STAC: variants seen among roughly 807,000 people sequenced by gnomAD.
STAC encodes the protein SH3 and cysteine rich domain, also known as SH3 and cysteine-rich domain-containing protein.
Under a neutral mutation model 48.8 loss-of-function variants are expected in STAC, and 43 were observed. The ratio of observed to expected loss-of-function variants is 0.88; its 90% CI spans 0.69 to 1.14. The LOEUF is 1.14. Ranked by LOEUF, STAC falls within the 50% of genes most tolerant of loss-of-function variation. STAC has a pLI of 0.00. For synonymous variants in STAC, 193 were observed against 179.5 expected, an observed-to-expected ratio of 1.07 and a Z score of -0.60; for missense variants, 497 against 504.0, an observed-to-expected ratio of 0.99 and a Z score of 0.13.
At chr3:36,385,308 G>C (rs963477113) in intron 1 of STAC, among the ~76,000 whole-genome samples, 1 of 151,722 alleles carries the variant, frequency 6.6e-6, no homozygotes, top group Non-Finnish European at 1.5e-5. Context: ...TCATATTTAG[G>C]TTCTTTCCCA....
chr3:36,471,150 C>G (rs1405735398), intron 2 of STAC, among the ~76,000 whole-genome samples: 2 of 152,042 alleles, frequency 1.3e-5, no homozygotes, highest in Non-Finnish European at 2.9e-5. Context: ...TGGCAGGAGG[C>G]AAAAGGCACT....
chr3:36,446,004 C>A (rs1438489558), intron 2 of STAC, among the ~76,000 whole-genome samples: 1 of 152,154 alleles, frequency 6.6e-6, no homozygotes, highest in Non-Finnish European at 1.5e-5. Context: ...CCATAAGATC[C>A]CTGATCAATA....
chr3:36,454,508 T>C (rs1696794662), intron 2 of STAC, among the ~76,000 whole-genome samples: 1 of 152,186 alleles, frequency 6.6e-6, no homozygotes, highest in Non-Finnish European at 1.5e-5. Flanking sequence ...CGAGGCTTCA[T>C]TCTTGAAGTC....
At chr3:36,492,031 AATATATATATATAT>A (rs11267408) in intron 5 of STAC, among the ~76,000 whole-genome samples, 53 of 16,432 alleles carry the variant, frequency 3.2e-3, no homozygotes, top group Admixed American at 5.5e-3. Context: ...AAAAAAAAAA[AATATATATATATAT>A]ATATATATAT....
At chr3:36,473,185 A>G (rs1559504839) in intron 2 of STAC, among the ~76,000 whole-genome samples, 1 of 152,156 alleles carries the variant, frequency 6.6e-6, no homozygotes, top group Non-Finnish European at 1.5e-5. Context: ...CACTATCACA[A>G]GAATAGCACA....
chr3:36,477,006 C>A (rs1199647048), intron 2 of STAC, among the ~76,000 whole-genome samples: 1 of 152,074 alleles, frequency 6.6e-6, no homozygotes. Context: ...GACTATCTTG[C>A]CTGTATTTAC....
At chr3:36,455,760 G>GGTGTGTGTGTGT (rs71085125) in intron 2 of STAC, among the ~76,000 whole-genome samples, 26 of 149,260 alleles carry the variant, frequency 1.7e-4, no homozygotes, top group African/African-American at 5.4e-4. Flanking sequence ...GAAACAGGCA[G>GGTGTGTGTGTGT]GTGTGTGTGT....
At chr3:36,395,988 T>C (rs994318702) in intron 1 of STAC, among the ~76,000 whole-genome samples, 1 of 152,114 alleles carries the variant, frequency 6.6e-6, no homozygotes, top group Non-Finnish European at 1.5e-5. Flanking sequence ...TAGAATAATT[T>C]ACTTCAGTCC....
intron 2 of STAC, among the ~76,000 whole-genome samples, chr3:36,474,829 A>G (rs542662360): frequency 2.6e-4 from 40 of 152,348 alleles, no homozygotes; most frequent in Non-Finnish European, 5.0e-4. Flanking sequence ...TTTTATTAAT[A>G]AAGCGAGGAA....
At chr3:36,491,716 T>A (rs1305140125) in intron 5 of STAC, among the ~76,000 whole-genome samples, 4 of 151,854 alleles carry the variant, frequency 2.6e-5, no homozygotes, top group South Asian at 2.1e-4. Context: ...AATAATTTTT[T>A]AAAATATGAC....
chr3:36,471,323 T>C (rs900218144), intron 2 of STAC, among the ~76,000 whole-genome samples: 3 of 152,154 alleles, frequency 2.0e-5, no homozygotes, highest in Non-Finnish European at 2.9e-5. Context: ...CCACAACACA[T>C]GGGAATTCTG....
chr3:36,520,764 C>T (rs573859814), intron 8 of STAC, among the ~76,000 whole-genome samples: 1 of 152,282 alleles, frequency 6.6e-6, no homozygotes, highest in South Asian at 2.1e-4. Context: ...TCCCAAATGT[C>T]ACTAATGTGT....
chr3:36,447,645 C>T (rs1696545484), intron 2 of STAC, among the ~76,000 whole-genome samples: 1 of 123,752 alleles, frequency 8.1e-6, no homozygotes. Context: ...TATATGTATA[C>T]ACACCACACA....
chr3:36,437,981 C>A (rs1311692577), intron 1 of STAC, among the ~76,000 whole-genome samples: 2 of 134,276 alleles, frequency 1.5e-5, no homozygotes, highest in African/African-American at 2.6e-5. Context: ...TGAGTTTGCC[C>A]GGGCTGGAGT....
At position 36,395,144 on chromosome 3, in the gene STAC, A is replaced by C. The variant is rs996229337; in HGVS notation, c.111+14390A>C. Among the ~76,000 whole-genome samples, 6 of 152,240 alleles carry C rather than the reference A, an allele frequency of 3.9e-5. No individual in the cohort carries two copies. The East Asian group carries it at 7.7e-4, about 20-fold the overall frequency. On this transcript the variant is annotated intron_variant, in intron 1 of 10. Coordinates refer to ENST00000273183, the MANE Select transcript of STAC (RefSeq NM_003149.3). ...GGATGTGAACTTAATCTTATGGATA[A>C]CTTTGCAAAGATAGAAACAATGTAA...
intron 8 of STAC, among the ~76,000 whole-genome samples, chr3:36,511,172 A>G (rs1288797160): frequency 6.6e-6 from 1 of 151,968 alleles, no homozygotes; most frequent in Non-Finnish European, 1.5e-5. Context: ...GCTAGAGTCA[A>G]TTCTGGGTTC....
chr3:36,546,311 G>A lies in STAC; in HGVS notation c.*22G>A, dbSNP rs1699445595. 3.7e-6 allele frequency: 6 copies of A among 1,604,708 alleles called. No homozygotes were observed. In the African/African-American group the frequency reaches 5.3e-5, roughly 14 times the overall value. ...CTGATTGCTGGCTCCTCCTCCGTTTGCAGTAGGCAAGCTCTGCTGCGATGC... is the reference window on the plus strand; with the variant it reads ...CTGATTGCTGGCTCCTCCTCCGTTTACAGTAGGCAAGCTCTGCTGCGATGC... On this transcript the variant is annotated 3_prime_UTR_variant, in exon 11 of 11. Coordinates refer to ENST00000273183, the MANE Select transcript of STAC (RefSeq NM_003149.3).
chr3:36,507,859 CA>C (rs551312787), intron 8 of STAC, among the ~76,000 whole-genome samples: 285 of 151,992 alleles, frequency 1.9e-3, no homozygotes, highest in African/African-American at 6.5e-3. Context: ...TTAATCTTTT[CA>C]AAAAAACCAG....
chr3:36,451,243 T>C (rs770514147), intron 2 of STAC, among the ~76,000 whole-genome samples: 150 of 152,142 alleles, frequency 9.9e-4, no homozygotes, highest in Non-Finnish European at 1.1e-3. Context: ...CCTCTGAGAG[T>C]TTCAAAAAAC....
Sources: allele counts gnomAD v4.1 joint callset (sites outside exome capture counted in the v4.1 genomes callset), GRCh38; gene constraint gnomAD v4.1.1; transcripts MANE v1.5; gene names NCBI Gene and HGNC (gene_info 2026-07-23, HGNC 2026-07-21).